The following GRID2 variants were observed in gnomAD, a reference collection of about 807,000 sequenced individuals.
The protein encoded by GRID2 is glutamate receptor ionotropic, delta-2.
GRID2 carries 33 observed loss-of-function variants against 114.8 expected under a neutral mutation model. That is an observed-to-expected ratio of 0.29 (90% CI 0.22 to 0.38). The LOEUF is 0.38. Among genes scored for constraint, GRID2 ranks in the 10% least tolerant of loss-of-function variants. The pLI, the probability that GRID2 is intolerant of heterozygous loss-of-function variation, is 1.00. For synonymous variants in GRID2, 505 were observed against 449.9 expected (o/e 1.12, Z -1.55); for missense variants, 1,184 against 1,257.7 (o/e 0.94, Z 0.89).
At position 93,543,900 on chromosome 4, in the gene GRID2, A is replaced by G. The variant is rs539732619; in HGVS notation, c.2193+28489A>G. On this transcript the variant is annotated intron_variant, in intron 13 of 15. Transcript: ENST00000282020. Reference sequence around the variant, plus strand: ...CAAGTTGTGCAGATGCTGTTATAAGAACAAACCACAAAAATGCAACCAATG... The same window carrying G: ...CAAGTTGTGCAGATGCTGTTATAAGGACAAACCACAAAAATGCAACCAATG... Among the ~76,000 whole-genome samples, 5 of 152,306 alleles carry G rather than the reference A, an allele frequency of 3.3e-5. 1 individual carries two copies. The highest frequency in any genetic ancestry group is 1.2e-4 in the African/African-American group (5 of 41,568).
At chr4:92,491,665 T>G (rs560562025) in intron 1 of GRID2, among the ~76,000 whole-genome samples, 1 of 152,142 alleles carries the variant, frequency 6.6e-6, no homozygotes, top group Admixed American at 6.5e-5. Context: ...AATTTGTTAA[T>G]AAATAGCTGT....
rs76356717 is a variant in GRID2, at chr4:93,602,618, C to T, written c.2194-23651C>T. Among the ~76,000 whole-genome samples the T allele has an allele frequency of 3.9e-3, 590 of 152,330 alleles. 2 individuals are homozygous for T. Among genetic ancestry groups the T allele is most frequent in the African/African-American group, 0.014 (566 of 41,574 alleles). On this transcript the variant is annotated intron_variant, in intron 13 of 15. Transcript: ENST00000282020. ...GTACCCACATGATGGCTAACTTAAT[C>T]AGTAAATGTGTTTGTTCTGGCTGCT...
intron 2 of GRID2, among the ~76,000 whole-genome samples, chr4:93,067,880 T>C (rs138231640): frequency 5.9e-4 from 90 of 152,166 alleles, no homozygotes; most frequent in Non-Finnish European, 1.1e-3. Context: ...TATTACAGCA[T>C]GTGTCCTCTT....
intron 2 of GRID2, among the ~76,000 whole-genome samples, chr4:92,944,283 C>T (rs1237782132): frequency 6.6e-6 from 1 of 152,200 alleles, no homozygotes; most frequent in African/African-American, 2.4e-5. Context: ...GTGGGTGCCC[C>T]TCCCCCAGCC....
rs562702313 is a variant in GRID2 at position 93,108,545 on chromosome 4, G to C, written c.530-2203G>C. On this transcript the variant is annotated intron_variant, in intron 3 of 15. Coordinates refer to ENST00000282020, the MANE Select transcript of GRID2 (RefSeq NM_001510.4). ...TTTTGTTTTGTTTGCCTTGTATTCA[G>C]ATGTACAATTTAAGTAACTCAAATA... 5.1e-4 allele frequency among the ~76,000 whole-genome samples: 77 copies of C among 151,858 alleles called. 1 individual carries two copies. Among genetic ancestry groups the C allele is most frequent in the African/African-American group, 1.7e-3 (72 of 41,434 alleles).
intron 2 of GRID2, among the ~76,000 whole-genome samples, chr4:92,660,087 C>G (rs974923006): frequency 2.0e-5 from 3 of 151,144 alleles, no homozygotes; most frequent in African/African-American, 7.3e-5. Flanking sequence ...TCATTCTTCC[C>G]CCATTCATAC....
chr4:93,314,148 T>C (rs1756318267), intron 8 of GRID2, among the ~76,000 whole-genome samples: 1 of 151,246 alleles, frequency 6.6e-6, no homozygotes, highest in Non-Finnish European at 1.5e-5. Flanking sequence ...CTACTAAAAA[T>C]ACAAAAATTA....
chr4:92,336,426 T>A (rs1424561737), intron 1 of GRID2, among the ~76,000 whole-genome samples: 1 of 152,122 alleles, frequency 6.6e-6, no homozygotes, highest in African/African-American at 2.4e-5. Flanking sequence ...TTCCTCCACA[T>A]TTCTACACTT....
intron 9 of GRID2, among the ~76,000 whole-genome samples, chr4:93,421,440 C>G (rs1333479845): frequency 6.6e-6 from 1 of 152,110 alleles, no homozygotes; most frequent in Non-Finnish European, 1.5e-5. Flanking sequence ...AACATATAAA[C>G]AGTGAAACTA....
chr4:92,386,692 A>T (rs1729977728), intron 1 of GRID2, among the ~76,000 whole-genome samples: 2 of 151,890 alleles, frequency 1.3e-5, no homozygotes, highest in African/African-American at 4.8e-5. Context: ...CTTCTGAATA[A>T]GATATGTATT....
intron 13 of GRID2, among the ~76,000 whole-genome samples, chr4:93,518,831 G>A (rs1469918594): frequency 1.3e-5 from 2 of 152,068 alleles, no homozygotes; most frequent in African/African-American, 4.8e-5. Flanking sequence ...CAGTACAAAG[G>A]CCCTGAGGTA....
At chr4:92,429,552 A>G (rs1732335454) in intron 1 of GRID2, among the ~76,000 whole-genome samples, 1 of 152,202 alleles carries the variant, frequency 6.6e-6, no homozygotes, top group Non-Finnish European at 1.5e-5. Flanking sequence ...TAGTGTTACA[A>G]TAAATATAAG....
chr4:92,359,972 C>T (rs1393315815), intron 1 of GRID2, among the ~76,000 whole-genome samples: 2 of 151,968 alleles, frequency 1.3e-5, no homozygotes, highest in Admixed American at 6.6e-5. Flanking sequence ...AGAGAATTCT[C>T]ATCTATCTGA....
At chr4:92,309,938 A>G (rs1387191195) in intron 1 of GRID2, among the ~76,000 whole-genome samples, 1 of 151,978 alleles carries the variant, frequency 6.6e-6, no homozygotes, top group Non-Finnish European at 1.5e-5. Flanking sequence ...TACCTATGGG[A>G]TACTTGAGGT....
chr4:93,107,012 A>AT (rs1367350260), intron 3 of GRID2, among the ~76,000 whole-genome samples: 4 of 152,220 alleles, frequency 2.6e-5, no homozygotes, highest in Admixed American at 2.6e-4. Flanking sequence ...TAAGATAAAT[A>AT]TTTTTTTCTG....
chr4:93,626,099 C>T (rs553767900), intron 13 of GRID2, among the ~76,000 whole-genome samples, 170 bp from the exon 14 acceptor site: 2 of 152,156 alleles, frequency 1.3e-5, no homozygotes, highest in Admixed American at 1.3e-4. Context: ...ATTTTGGTAT[C>T]CACAGGGGTT....
In GRID2 at chr4:93,252,347, T is replaced by TTC. The variant is rs1554018054; in HGVS notation, c.1245+13857_1245+13858insTC. 6.3e-4 allele frequency among the ~76,000 whole-genome samples: 94 copies of TTC among 149,514 alleles called. 2 individuals are homozygous for TTC. Among genetic ancestry groups the TTC allele is most frequent in the African/African-American group, 2.3e-3 (93 of 40,600 alleles). On this transcript the variant is annotated intron_variant, in intron 8 of 15. Coordinates refer to ENST00000282020, the MANE Select transcript of GRID2 (RefSeq NM_001510.4). ...ATCCTTCATTTTTTTTTTTTTTTTT[T>TTC]GGTTAGGTTTGTCAAAGATCAGATC...
At chr4:92,337,565 T>C (rs1362934633) in intron 1 of GRID2, among the ~76,000 whole-genome samples, 2 of 152,144 alleles carry the variant, frequency 1.3e-5, no homozygotes, top group African/African-American at 4.8e-5. Context: ...TCAACAATCA[T>C]GGCCGAAGGC....
chr4:92,874,229 T>C (rs988155281), intron 2 of GRID2, among the ~76,000 whole-genome samples: 2 of 152,204 alleles, frequency 1.3e-5, no homozygotes, highest in Admixed American at 1.3e-4. Flanking sequence ...TTTCGTCTTG[T>C]TTTACTTTAT....
Sources: gnomAD v4.1 joint callset for allele counts (sites outside exome capture counted in the v4.1 genomes callset) on GRCh38, gnomAD v4.1.1 for gene constraint, MANE v1.5 for transcripts, NCBI Gene and HGNC (gene_info 2026-07-23, HGNC 2026-07-21) for gene names.